Variants in RPTOR observed in about 807,000 individuals in gnomAD.
RPTOR encodes the protein regulatory-associated protein of mTOR.
A neutral mutation model predicts 169.9 loss-of-function variants in RPTOR; 21 were observed. The ratio of observed to expected loss-of-function variants is 0.12; its 90% CI spans 0.09 to 0.18. RPTOR has a LOEUF of 0.18. Ranked by LOEUF, RPTOR falls within the 10% of genes least tolerant of loss-of-function variation. RPTOR has a pLI of 1.00. For missense variants in RPTOR, 1,133 were observed against 1,855.9 expected (o/e 0.61, Z 7.16); for synonymous variants, 732 against 753.2 (o/e 0.97, Z 0.46).
rs563308003 is a variant in RPTOR at position 80,721,233 on chromosome 17, A to G, written c.508-9327A>G. Among the ~76,000 whole-genome samples the G allele has an allele frequency of 2.0e-5, 3 of 151,270 alleles. No homozygotes were observed. Among genetic ancestry groups the G allele is most frequent in the African/African-American group, 4.9e-5 (2 of 40,592 alleles). ...GGTGATGTGGTTCCAGTGCTCTGTC[A>G]TCCTGGGGTCAGTAGGATGAAAGAT... On this transcript the variant is annotated intron_variant, in intron 4 of 33. Coordinates refer to ENST00000306801, the MANE Select transcript of RPTOR (RefSeq NM_020761.3). This position sits in a 1 kb window ranked among gnomAD's most constrained non-coding sequence, Gnocchi z 4.7.
Position 80,940,750 on chromosome 17 carries a change from C to G in RPTOR, c.3025+149C>G, listed in dbSNP as rs539724626. The G allele has an allele frequency of 1.3e-4, 80 of 608,950 alleles. 1 individual carries two copies. The South Asian group carries it at 1.5e-3, about 11-fold the overall frequency. The allele number at this position is 608,950 out of a possible 1,614,324, so 37.7% of individuals were successfully genotyped here. On this transcript the variant is annotated intron_variant, in intron 25 of 33. Transcript: ENST00000306801. ...ACAGACCCGCCCCGCACCCCACCTC[C>G]CTTGCAGATAAGCACATCAAGGCTG...
At chr17:80,813,452 AG>A (rs1239146237) in intron 7 of RPTOR, among the ~76,000 whole-genome samples, 1 of 152,174 alleles carries the variant, frequency 6.6e-6, no homozygotes, top group Non-Finnish European at 1.5e-5. Flanking sequence ...TTTATGTGTA[AG>A]GTTTCAATGC....
chr17:80,809,492 T>G (rs2067252093), intron 7 of RPTOR, among the ~76,000 whole-genome samples: 1 of 152,196 alleles, frequency 6.6e-6, no homozygotes, highest in Non-Finnish European at 1.5e-5. Context: ...CGTCCGGCCA[T>G]CTTACCGAAG....
At chr17:80,938,689 TTGC>T (rs1456298345) in intron 24 of RPTOR, among the ~76,000 whole-genome samples, 1 of 152,196 alleles carries the variant, frequency 6.6e-6, no homozygotes, top group Admixed American at 6.5e-5. Context: ...TGCTGTGTTG[TTGC>T]TGTTTTATCG....
At chr17:80,681,049 A>C (rs1027223094) in intron 3 of RPTOR, among the ~76,000 whole-genome samples, 1 of 152,076 alleles carries the variant, frequency 6.6e-6, no homozygotes, top group African/African-American at 2.4e-5. Context: ...ACGGGGCTTC[A>C]AGGCATGCAT....
At chr17:80,744,277 T>C (rs147831125) in intron 5 of RPTOR, among the ~76,000 whole-genome samples, 175 of 3,124 alleles carry the variant, frequency 0.056, 29 homozygotes, top group Non-Finnish European at 0.098. Context: ...ACAGCCCTGG[T>C]TACTAGCACT....
intron 1 of RPTOR, among the ~76,000 whole-genome samples, chr17:80,555,628 C>G (rs970103541): frequency 6.6e-6 from 1 of 152,198 alleles, no homozygotes; most frequent in Non-Finnish European, 1.5e-5. Flanking sequence ...AGGTATCAAT[C>G]ATAGTAATTA....
chr17:80,792,852 G>A (rs1054595448), intron 7 of RPTOR, among the ~76,000 whole-genome samples: 3 of 152,000 alleles, frequency 2.0e-5, no homozygotes, highest in Non-Finnish European at 2.9e-5. Context: ...GAGTTTTAGA[G>A]CTCTCTATTA....
intron 13 of RPTOR, among the ~76,000 whole-genome samples, chr17:80,862,072 A>G (rs1487959732): frequency 6.6e-6 from 1 of 152,146 alleles, no homozygotes; most frequent in African/African-American, 2.4e-5. Flanking sequence ...CTCCAGGCAG[A>G]TACCAGGGCC....
chr17:80,667,930 G>A (rs906483183), intron 3 of RPTOR, among the ~76,000 whole-genome samples: 1 of 152,196 alleles, frequency 6.6e-6, no homozygotes, highest in African/African-American at 2.4e-5. Context: ...AAATCCACAA[G>A]GGTCTGCCAT....
intron 1 of RPTOR, among the ~76,000 whole-genome samples, chr17:80,587,216 TCA>T (rs969691108): frequency 7.9e-5 from 12 of 152,274 alleles, no homozygotes; most frequent in African/African-American, 2.9e-4. Flanking sequence ...TTTTCTTTTC[TCA>T]CAGTTTTATC....
At chr17:80,576,296 C>T (rs1342642457) in intron 1 of RPTOR, among the ~76,000 whole-genome samples, 1 of 151,966 alleles carries the variant, frequency 6.6e-6, no homozygotes, top group African/African-American at 2.4e-5. Context: ...TATTTAATTT[C>T]TTCCCTTTTA....
At chr17:80,847,550 C>A (rs1198771480) in intron 11 of RPTOR, among the ~76,000 whole-genome samples, 4 of 152,184 alleles carry the variant, frequency 2.6e-5, no homozygotes, top group Non-Finnish European at 5.9e-5. Flanking sequence ...TGGACTTTGG[C>A]GAGGAGCTGT....
intron 23 of RPTOR, 126 bp from the exon 24 acceptor site, chr17:80,925,244 T>A: frequency 1.4e-6 from 1 of 722,752 alleles, no homozygotes; most frequent in Non-Finnish European, 2.3e-6. Flanking sequence ...AGAAGTGCCG[T>A]CCTTAGGGGC....
chr17:80,850,778 G>A lies in RPTOR; in HGVS notation c.1314+4204G>A, dbSNP rs1005293302. ...TGATGTTATACATACCATGTACATC[G>A]GGGACTCCAAAACCGCCCTGCTCAT... On this transcript the variant is annotated intron_variant, in intron 11 of 33. Transcript: ENST00000306801. 1.1e-4 allele frequency among the ~76,000 whole-genome samples: 16 copies of A among 152,254 alleles called. 1 individual carries two copies. The highest frequency in any genetic ancestry group is 1.0e-3 in the Admixed American group (16 of 15,302).
chr17:80,870,657 T>C (rs1351547994), intron 13 of RPTOR, among the ~76,000 whole-genome samples: 1 of 152,266 alleles, frequency 6.6e-6, no homozygotes, highest in Admixed American at 6.5e-5. Context: ...CAGAAGGCAG[T>C]GCCCTGGTGG....
chr17:80,661,739 T>C (rs983098120), intron 3 of RPTOR, among the ~76,000 whole-genome samples: 4 of 151,312 alleles, frequency 2.6e-5, no homozygotes, highest in African/African-American at 9.7e-5. Flanking sequence ...GGATGGCGCA[T>C]GAGAGAGTTG....
intron 12 of RPTOR, 96 bp downstream of exon 12, chr17:80,855,643 C>T (rs2067843650): frequency 2.1e-6 from 2 of 974,676 alleles, no homozygotes; most frequent in Non-Finnish European, 3.3e-6. Context: ...GATCCAGAGC[C>T]ACCCCCAGCC....
At chr17:80,715,331 A>G (rs2143132354) in intron 4 of RPTOR, among the ~76,000 whole-genome samples, 1 of 152,354 alleles carries the variant, frequency 6.6e-6, no homozygotes, top group East Asian at 1.9e-4. Flanking sequence ...TTAAATATGT[A>G]ATTAAATGGA....
Sources: gnomAD v4.1 joint callset for allele counts (sites outside exome capture counted in the v4.1 genomes callset) on GRCh38, gnomAD v4.1.1 for gene constraint, Gnocchi (gnomAD v3.1) non-coding constraint, MANE v1.5 for transcripts, NCBI Gene and HGNC (gene_info 2026-07-23, HGNC 2026-07-21) for gene names.